The following RSF1 variants were observed in gnomAD, a reference collection of about 807,000 sequenced individuals.
RSF1 encodes the protein HBV pX-associated protein 8.
A neutral mutation model predicts 145.2 loss-of-function variants in RSF1; 13 were observed. That is an observed-to-expected ratio of 0.09 (90% confidence interval 0.06 to 0.14). RSF1 has a LOEUF of 0.14. Ranked by LOEUF, RSF1 falls within the 10% of genes least tolerant of loss-of-function variation. The pLI is 1.00. For missense variants in RSF1, 1,517 were observed against 1,718.2 expected, an observed-to-expected ratio of 0.88 and a Z score of 2.07; for synonymous variants, 577 against 592.6, an observed-to-expected ratio of 0.97 and a Z score of 0.38.
At chr11:77,722,847 T>C (rs1197505387) in intron 5 of RSF1, among the ~76,000 whole-genome samples, 5 of 152,234 alleles carry the variant, frequency 3.3e-5, no homozygotes, top group Admixed American at 3.3e-4. Context: ...CATTAACTAT[T>C]AGGAATAGCT....
At chr11:77,849,526 A>AT in the RSF1 span, among the ~76,000 whole-genome samples, 1 of 152,062 alleles carries the variant, frequency 6.6e-6, no homozygotes, top group Non-Finnish European at 1.5e-5. Flanking sequence ...ACCCGGCCTA[A>AT]TTTTTTAATA....
the RSF1 span, among the ~76,000 whole-genome samples, chr11:77,865,632 G>T: frequency 1.3e-5 from 2 of 152,214 alleles, no homozygotes; most frequent in Admixed American, 1.3e-4. Context: ...AAAATGGGCA[G>T]AATGGATTTT....
At chr11:77,840,748 TTTTG>T in the RSF1 span, among the ~76,000 whole-genome samples, 2 of 151,996 alleles carry the variant, frequency 1.3e-5, no homozygotes. Flanking sequence ...GGGTCATAGT[TTTTG>T]TTTATTTGCA....
At chr11:77,826,562 T>G in the RSF1 span, among the ~76,000 whole-genome samples, 1 of 152,150 alleles carries the variant, frequency 6.6e-6, no homozygotes, top group Non-Finnish European at 1.5e-5. Flanking sequence ...AGATACTGTA[T>G]TTACATGCCA....
At chr11:77,795,740 A>T (rs1759147067) in intron 1 of RSF1, among the ~76,000 whole-genome samples, 1 of 152,228 alleles carries the variant, frequency 6.6e-6, no homozygotes, top group African/African-American at 2.4e-5. Flanking sequence ...CAACTTAAAC[A>T]TTATTTGTAG....
chr11:77,677,646 C>T (rs957162903), intron 12 of RSF1, among the ~76,000 whole-genome samples: 1 of 152,130 alleles, frequency 6.6e-6, no homozygotes, highest in African/African-American at 2.4e-5. Context: ...CCTTCAAGTT[C>T]TTCTATTTTA....
chr11:77,674,189 G>A (rs1424440636), intron 14 of RSF1, among the ~76,000 whole-genome samples: 1 of 151,984 alleles, frequency 6.6e-6, no homozygotes, highest in Non-Finnish European at 1.5e-5. Flanking sequence ...AGATGGTTTA[G>A]GAAAAAAGAT....
intron 5 of RSF1, among the ~76,000 whole-genome samples, chr11:77,712,196 G>A (rs991778154): frequency 2.6e-5 from 4 of 152,112 alleles, no homozygotes; most frequent in Admixed American, 1.3e-4. Context: ...ACTGAATCAC[G>A]GGGGTGGTTC....
At chr11:77,751,796 C>T (rs980822781) in intron 2 of RSF1, among the ~76,000 whole-genome samples, 4 of 152,312 alleles carry the variant, frequency 2.6e-5, no homozygotes, top group African/African-American at 9.6e-5. Flanking sequence ...TGCACAAATT[C>T]GAACACAGCA....
rs1959332244 is a variant in RSF1, at chr11:77,665,250, C to T, written c.*1667G>A. 2 of 152,160 alleles carry T rather than the reference C, an allele frequency of 1.3e-5. No homozygotes were observed. The highest frequency in any genetic ancestry group is 6.5e-5 in the Admixed American group (1 of 15,274). The allele number at this position is 152,160 out of a possible 1,614,324, so 9.4% of individuals were successfully genotyped here. A position where few individuals can be genotyped will look rare whatever the true frequency, so the allele number is the denominator to read the frequency against. ...GTGCTTTACTATACACTGACTAGCA[C>T]ATAATACTTAATTTGGAAAGAAAAA... On this transcript the variant is annotated 3_prime_UTR_variant, in exon 16 of 16. Transcript: ENST00000308488.
At position 77,791,152 on chromosome 11, in the gene RSF1, T is replaced by C. The variant is rs189463042; in HGVS notation, c.188-26463A>G. 2.3e-3 allele frequency among the ~76,000 whole-genome samples: 358 copies of C among 152,350 alleles called. 1 individual carries two copies. The highest frequency in any genetic ancestry group is 8.4e-3 in the African/African-American group (350 of 41,582). On this transcript the variant is annotated intron_variant, in intron 1 of 15. Transcript: ENST00000308488. ...CTCCCTGGGTATCTAGGTATTTCCA[T>C]ACATCTTCTGAAATCTAGGTGGAGG...
chr11:77,841,327 C>A, the RSF1 span: 1 of 670,418 alleles, frequency 1.5e-6, no homozygotes, highest in South Asian at 1.6e-5. Flanking sequence ...TATGAATTCT[C>A]CCATGCAATA....
Position 77,676,939 on chromosome 11 carries a change from G to C in RSF1, c.3194C>G (p.Thr1065Ser). The C allele has an allele frequency of 6.9e-7, 1 of 1,452,916 alleles. No individual in the cohort carries two copies. The highest frequency in any genetic ancestry group is 9.3e-7 in the Non-Finnish European group (1 of 1,072,190). 90.0% of individuals were successfully genotyped at this position (1,452,916 alleles called of 1,614,324 possible). A position where few individuals can be genotyped will look rare whatever the true frequency, so the allele number is the denominator to read the frequency against. ...TTCTTTTCTTTCTTCATCCAAAATA[G>C]TAGAGATGTCTTTCCCACGATGACC... ...ITGHRGKDIS[T>S]ILDEERKENK... Residue 1065 changes from threonine (T) to serine (S), a missense_variant, in exon 13 of 16, where the codon ACT (threonine) becomes AGT (serine). By Grantham distance (58) the Thr-to-Ser change is moderately conservative (BLOSUM62 1). Around this residue, in one of 12 missense-constraint regions of RSF1, gnomAD observed 231 missense variants for 276.6 expected, o/e 0.84. Coordinates refer to ENST00000308488, the MANE Select transcript of RSF1 (RefSeq NM_016578.4).
intron 4 of RSF1, among the ~76,000 whole-genome samples, chr11:77,734,228 A>G (rs1024321836): frequency 6.9e-6 from 1 of 145,818 alleles, no homozygotes; most frequent in Non-Finnish European, 1.5e-5. Context: ...GTTTCAACTT[A>G]AAGTATAATT....
intron 15 of RSF1, 139 bp from the exon 16 acceptor site, chr11:77,667,630 G>C (rs1373934816): frequency 1.5e-5 from 10 of 685,750 alleles, no homozygotes; most frequent in Non-Finnish European, 2.2e-5. Context: ...TAATTGGCCT[G>C]ATTTCTCTCT....
At chr11:77,861,478 G>A in the RSF1 span, among the ~76,000 whole-genome samples, 17 of 152,266 alleles carry the variant, frequency 1.1e-4, no homozygotes, top group South Asian at 8.3e-4. Flanking sequence ...AAGTATACCC[G>A]GGGCTCTGTG....
chr11:77,701,541 G>A lies in RSF1; in HGVS notation c.1688C>T (p.Thr563Ile). The A allele has an allele frequency of 6.2e-7, 1 of 1,613,844 alleles. No homozygotes were observed. The highest frequency in any genetic ancestry group is 1.1e-5 in the South Asian group (1 of 91,048). Residue 563 changes from threonine (T) to isoleucine (I), a missense_variant, in exon 6 of 16, where the codon ACC (threonine) becomes ATC (isoleucine). By Grantham distance (89) the Thr-to-Ile change is moderately conservative (BLOSUM62 -1). Coordinates refer to ENST00000308488, the MANE Select transcript of RSF1 (RefSeq NM_016578.4). ...GGGAGACTTCTCTTCACCTTTCATG[G>A]TACACGACTCGGTGGAAGATAAAGC... ...KTALSSTESC[T>I]MKGEEKSPKT...
intron 6 of RSF1, among the ~76,000 whole-genome samples, chr11:77,698,987 G>GT (rs933683197): frequency 1.3e-5 from 2 of 152,002 alleles, no homozygotes; most frequent in African/African-American, 4.8e-5. Flanking sequence ...TTACATAACT[G>GT]TTTTTATCTA....
chr11:77,819,648 T>C (rs531439997), intron 1 of RSF1, among the ~76,000 whole-genome samples: 10 of 152,210 alleles, frequency 6.6e-5, no homozygotes, highest in African/African-American at 2.2e-4. Flanking sequence ...CCAGCTTACA[T>C]ACTAACCACC....
Sources: allele counts gnomAD v4.1 joint callset (sites outside exome capture counted in the v4.1 genomes callset), GRCh38; gene constraint gnomAD v4.1.1; regional missense constraint gnomAD v4.1.1; transcripts MANE v1.5; gene names NCBI Gene and HGNC (gene_info 2026-07-23, HGNC 2026-07-21).